The following BCAS1 variants were observed in gnomAD, a reference collection of about 807,000 sequenced individuals.
BCAS1 encodes breast carcinoma-amplified sequence 1.
A neutral mutation model predicts 65.4 loss-of-function variants in BCAS1; 46 were observed. The ratio of observed to expected loss-of-function variants is 0.70; its 90% CI spans 0.55 to 0.90. The LOEUF (loss-of-function observed/expected upper bound fraction) is 0.90, where lower values mean the gene tolerates loss of function less well. Ranked by LOEUF, BCAS1 falls within the 40% of genes least tolerant of loss-of-function variation. BCAS1 has a pLI of 0.00. For missense variants in BCAS1, 793 were observed against 771.2 expected (o/e 1.03, Z -0.33); for synonymous variants, 298 against 293.5 (o/e 1.02, Z -0.16).
chr20:53,970,767 T>C (rs1416437943), intron 9 of BCAS1, among the ~76,000 whole-genome samples: 2 of 152,242 alleles, frequency 1.3e-5, no homozygotes, highest in Non-Finnish European at 2.9e-5. Context: ...ACTAGAGCTG[T>C]GGCTTTTGGA....
chr20:54,066,942 T>G (rs2092451301), intron 1 of BCAS1, among the ~76,000 whole-genome samples: 1 of 152,272 alleles, frequency 6.6e-6, no homozygotes, highest in Admixed American at 6.5e-5. Context: ...CTGTCTCTTC[T>G]GCTGTATAAG....
intron 8 of BCAS1, among the ~76,000 whole-genome samples, 171 bp from the exon 9 acceptor site, chr20:53,975,601 G>GTATA (rs11471112): frequency 0.014 from 2,095 of 147,548 alleles, 16 homozygotes; most frequent in Non-Finnish European, 0.018. Context: ...AATGAAAACG[G>GTATA]TATATATATA....
chr20:54,029,078 A>G, intron 3 of BCAS1, 106 bp from the exon 4 acceptor site: 1 of 1,457,612 alleles, frequency 6.9e-7, no homozygotes, highest in Non-Finnish European at 9.0e-7. Flanking sequence ...TGCATACTGG[A>G]ACTGTGTTGT....
intron 4 of BCAS1, among the ~76,000 whole-genome samples, chr20:54,018,611 C>A (rs2091491334): frequency 6.6e-6 from 1 of 152,168 alleles, no homozygotes; most frequent in Admixed American, 6.5e-5. Context: ...GCTGGGATTA[C>A]AGGCGTGAGC....
chr20:54,026,767 G>A (rs2091681862), intron 4 of BCAS1, among the ~76,000 whole-genome samples: 3 of 152,218 alleles, frequency 2.0e-5, no homozygotes, highest in East Asian at 1.9e-4. Context: ...CTCTGGGCAC[G>A]TAACTTTCAG....
chr20:53,966,289 A>G (rs1280391775), intron 10 of BCAS1, among the ~76,000 whole-genome samples: 2 of 152,208 alleles, frequency 1.3e-5, no homozygotes, highest in Non-Finnish European at 2.9e-5. Flanking sequence ...ATGGAATACT[A>G]CTCAGCCAGA....
chr20:54,003,803 G>C (rs573053643), intron 4 of BCAS1, among the ~76,000 whole-genome samples: 1 of 152,182 alleles, frequency 6.6e-6, no homozygotes, highest in Non-Finnish European at 1.5e-5. Flanking sequence ...AGGTTTTCTG[G>C]TTAATTCTGG....
At chr20:53,981,438 C>G (rs576207009) in intron 8 of BCAS1, among the ~76,000 whole-genome samples, 1 of 152,072 alleles carries the variant, frequency 6.6e-6, no homozygotes, top group Non-Finnish European at 1.5e-5. Context: ...TCTAAACAAC[C>G]GTAGCATTTG....
At chr20:53,960,096 C>T (rs2089829504) in intron 10 of BCAS1, among the ~76,000 whole-genome samples, 1 of 152,120 alleles carries the variant, frequency 6.6e-6, no homozygotes, top group African/African-American at 2.4e-5. Context: ...ATCTGTCAAC[C>T]TTTGGGAATG....
chr20:54,043,351 A>G (rs1052678438), intron 3 of BCAS1, among the ~76,000 whole-genome samples: 1 of 151,884 alleles, frequency 6.6e-6, no homozygotes, highest in Non-Finnish European at 1.5e-5. Flanking sequence ...TTTTATAGCC[A>G]TCTTTTTAGA....
At chr20:53,984,965 A>G (rs971915581) in intron 8 of BCAS1, among the ~76,000 whole-genome samples, 2 of 152,212 alleles carry the variant, frequency 1.3e-5, no homozygotes, top group African/African-American at 4.8e-5. Flanking sequence ...GGAAGAAGTC[A>G]GGGTTTTAAA....
At chr20:53,992,853 T>C (rs1226625800) in intron 6 of BCAS1, among the ~76,000 whole-genome samples, 2 of 152,052 alleles carry the variant, frequency 1.3e-5, no homozygotes, top group African/African-American at 4.8e-5. Flanking sequence ...TTTTCAACAG[T>C]GACCTATTTA....
intron 8 of BCAS1, among the ~76,000 whole-genome samples, chr20:53,977,955 T>C (rs546881755): frequency 1.3e-5 from 2 of 152,040 alleles, no homozygotes; most frequent in South Asian, 4.2e-4. Context: ...TAGTTACATA[T>C]GTATACATGT....
rs529351416 is a variant in BCAS1 at position 53,948,906 on chromosome 20, G to A, written c.1816-3910C>T. 2.6e-4 allele frequency among the ~76,000 whole-genome samples: 40 copies of A among 152,172 alleles called. 1 individual carries two copies. In the South Asian group the frequency reaches 7.9e-3, roughly 30 times the overall value. On this transcript the variant is annotated intron_variant, in intron 12 of 12. Coordinates refer to ENST00000688948, the MANE Select transcript of BCAS1 (RefSeq NM_001366298.2). Reference sequence around the variant, plus strand: ...TCACTGCCCGCTCTTTCCAACCCTCGGTCTCAGGCTCCTTGCAGTGACTGC... The same window carrying A: ...TCACTGCCCGCTCTTTCCAACCCTCAGTCTCAGGCTCCTTGCAGTGACTGC...
intron 3 of BCAS1, among the ~76,000 whole-genome samples, chr20:54,051,064 G>A (rs562996141): frequency 1.5e-3 from 229 of 152,222 alleles, no homozygotes; most frequent in African/African-American, 5.2e-3. Flanking sequence ...AGGAGCAGCC[G>A]TCATTCTCCT....
intron 3 of BCAS1, among the ~76,000 whole-genome samples, chr20:54,029,350 G>A (rs2091751901): frequency 6.6e-6 from 1 of 152,210 alleles, no homozygotes; most frequent in Non-Finnish European, 1.5e-5. Context: ...GCTAGAACAA[G>A]GTTTCTCAAC....
chr20:54,025,630 G>A (rs898188925), intron 4 of BCAS1, among the ~76,000 whole-genome samples: 10 of 152,082 alleles, frequency 6.6e-5, no homozygotes, highest in African/African-American at 2.4e-4. Context: ...AATCCAGCAG[G>A]GAGCAAGCCA....
intron 4 of BCAS1, among the ~76,000 whole-genome samples, chr20:54,014,169 T>A (rs1190116278): frequency 6.6e-6 from 1 of 152,238 alleles, no homozygotes; most frequent in Non-Finnish European, 1.5e-5. Context: ...TCATCAGGCC[T>A]CCGAATCATT....
intron 3 of BCAS1, 161 bp from the exon 4 acceptor site, chr20:54,029,133 T>A: frequency 1.0e-6 from 1 of 985,396 alleles, no homozygotes; most frequent in Non-Finnish European, 1.2e-6. Flanking sequence ...CTACATCTCC[T>A]TGGACCCTGC....
Sources: gnomAD v4.1 joint callset for allele counts (sites outside exome capture counted in the v4.1 genomes callset) on GRCh38, gnomAD v4.1.1 for gene constraint, MANE v1.5 for transcripts, NCBI Gene and HGNC (gene_info 2026-07-23, HGNC 2026-07-21) for gene names.